The following SRP72 variants were observed in gnomAD, a reference collection of about 807,000 sequenced individuals.
SRP72 encodes signal recognition particle subunit SRP72.
SRP72 carries 49 observed loss-of-function variants against 96.3 expected under a neutral mutation model. The ratio of observed to expected loss-of-function variants is 0.51; its 90% CI spans 0.40 to 0.65. SRP72 has a LOEUF of 0.65. Ranked by LOEUF, SRP72 falls within the 30% of genes least tolerant of loss-of-function variation. SRP72 has a pLI of 0.00. For synonymous variants in SRP72, 267 were observed against 275.2 expected (o/e 0.97, Z 0.30); for missense variants, 736 against 793.3 (o/e 0.93, Z 0.87).
At position 56,471,791 on chromosome 4, in the gene SRP72, T is replaced by C. The variant is rs753233079; in HGVS notation, c.302T>C (p.Ile101Thr). Residue 101 changes from isoleucine (I) to threonine (T), a missense_variant, in exon 3 of 19, where the codon ATA (isoleucine) becomes ACA (threonine). By Grantham distance (89) the Ile-to-Thr change is moderately conservative. Coordinates refer to ENST00000642900, the MANE Select transcript of SRP72 (RefSeq NM_006947.4). ...LNRIENALKT[I>T]ESANQQTDKL... ...AGAATTGAGAATGCCTTGAAGACAA[T>C]AGAAAGTGCCAACCAGCAGACAGAC... is the stretch of plus-strand genomic sequence containing the variant. 1.9e-6 allele frequency: 3 copies of C among 1,613,844 alleles called. No homozygotes were observed. The highest frequency in any genetic ancestry group is 2.2e-5 in the South Asian group (2 of 91,066).
chr4:56,486,422 A>G, intron 11 of SRP72, 25 bp downstream of exon 11: 1 of 1,543,382 alleles, frequency 6.5e-7, no homozygotes. Context: ...ATCATGATTA[A>G]AATATTTTAA....
rs201143094 is a variant in SRP72, at chr4:56,473,765, C to CA, written c.355-279dup. On this transcript the variant is annotated intron_variant, in intron 3 of 18. Transcript: ENST00000642900. ...AGGCAACAAGAGCGAAACTCCGTCT[C>CA]AAAAAAAAAAGAAAAAGAAAAGAAA... Among the ~76,000 whole-genome samples the CA allele has an allele frequency of 0.066, 9,392 of 141,584 alleles. 401 individuals carry two copies. The highest frequency in any genetic ancestry group is 0.14 in the East Asian group (672 of 4,900). 92.9% of individuals were successfully genotyped at this position (141,584 alleles called of 152,430 possible).
rs373938290 is a variant in SRP72 at position 56,489,087 on chromosome 4, G to T, written c.1225-301G>T. 156 of 229,790 alleles carry T rather than the reference G, an allele frequency of 6.8e-4. No individual in the cohort carries two copies. In the South Asian group the frequency reaches 0.01, roughly 15 times the overall value. The allele number at this position is 229,790 out of a possible 1,614,324, so 14.2% of individuals were successfully genotyped here. On this transcript the variant is annotated intron_variant, in intron 12 of 18. Coordinates refer to ENST00000642900, the MANE Select transcript of SRP72 (RefSeq NM_006947.4). The stretch of plus-strand genomic sequence containing the variant: ...CTTAAATGTCCAGCAGTGTCTTATT[G>T]TAGAAACATTTCTAAGGGCTTATTC...
chr4:56,501,124 C>T (rs981970804), intron 18 of SRP72, among the ~76,000 whole-genome samples: 1 of 152,110 alleles, frequency 6.6e-6, no homozygotes, highest in Non-Finnish European at 1.5e-5. Flanking sequence ...AAAATTTTTT[C>T]TGGCCGGGCG....
chr4:56,469,820 T>C (rs369855385), intron 2 of SRP72, 47 bp downstream of exon 2: 3 of 1,525,550 alleles, frequency 2.0e-6, no homozygotes, highest in Non-Finnish European at 2.7e-6. Context: ...AAACACTTAC[T>C]ATAGCTATAA....
intron 10 of SRP72, among the ~76,000 whole-genome samples, chr4:56,485,712 G>A (rs185142862): frequency 1.1e-3 from 172 of 152,176 alleles, no homozygotes; most frequent in African/African-American, 3.6e-3. Flanking sequence ...TGAGGCAGGA[G>A]AATCACTTGA....
intron 10 of SRP72, chr4:56,486,095 T>C: frequency 2.3e-6 from 1 of 428,062 alleles, no homozygotes; most frequent in East Asian, 3.6e-5. Context: ...ATTTCTCTGT[T>C]AGTGACTTAC....
intron 16 of SRP72, among the ~76,000 whole-genome samples, chr4:56,492,286 T>G (rs1560686916): frequency 6.6e-6 from 1 of 152,380 alleles, no homozygotes; most frequent in Middle Eastern, 3.4e-3. Context: ...CTTTTAGTTA[T>G]TGTTGTACAT....
Position 56,477,907 on chromosome 4 carries a change from G to A in SRP72, c.643-472G>A, listed in dbSNP as rs963154162. 2.2e-4 allele frequency among the ~76,000 whole-genome samples: 34 copies of A among 152,246 alleles called. 1 individual carries two copies. The highest frequency in any genetic ancestry group is 2.1e-3 in the Admixed American group (32 of 15,290). Reference sequence around the variant, plus strand: ...CCAGCTTTTGAAGTTTTTTTGTATGGTGTTAATTGGAATTTTCTAGTTTTT... The same window carrying A: ...CCAGCTTTTGAAGTTTTTTTGTATGATGTTAATTGGAATTTTCTAGTTTTT... On this transcript the variant is annotated intron_variant, in intron 6 of 18. Coordinates refer to ENST00000642900, the MANE Select transcript of SRP72 (RefSeq NM_006947.4).
intron 17 of SRP72, 72 bp from the exon 18 acceptor site, chr4:56,500,464 G>A: frequency 6.8e-7 from 1 of 1,464,764 alleles, no homozygotes; most frequent in Non-Finnish European, 9.4e-7. Flanking sequence ...CCCAGGCTTA[G>A]AGACATCGTT....
intron 1 of SRP72, among the ~76,000 whole-genome samples, chr4:56,468,991 G>A (rs903919531): frequency 2.6e-5 from 4 of 152,166 alleles, no homozygotes; most frequent in African/African-American, 9.7e-5. Flanking sequence ...GTTGAAACTT[G>A]CCACCTGAGT....
At chr4:56,491,199 A>G (rs1244301230) in intron 15 of SRP72, among the ~76,000 whole-genome samples, 1 of 152,228 alleles carries the variant, frequency 6.6e-6, no homozygotes, top group African/African-American at 2.4e-5. Context: ...GTGTTAAGGA[A>G]TAGAGAATTA....
At chr4:56,479,764 G>C (rs923884702) in intron 8 of SRP72, among the ~76,000 whole-genome samples, 4 of 152,042 alleles carry the variant, frequency 2.6e-5, no homozygotes, top group African/African-American at 9.7e-5. Flanking sequence ...TTCCAGGGGT[G>C]AGCGACCACA....
In SRP72 at chr4:56,474,183, G is replaced by T; in HGVS notation, c.484G>T (p.Glu162Ter). The T allele has an allele frequency of 6.2e-7, 1 of 1,613,680 alleles. No homozygotes were observed. The highest frequency in any genetic ancestry group is 8.5e-7 in the Non-Finnish European group (1 of 1,179,894). Reference protein sequence around the residue: ...SAVVAAQSNWEKVVPENLGLQ... With the variant: ...SAVVAAQSNW ...AGTTGTTGCAGCTCAAAGCAATTGG[G>T]AAAAAGTGGTTCCAGTGAGTATCCT... The change falls in exon 4 of 19, where the codon GAA becomes TAA. Residue 162 changes from glutamate (E) to a stop codon, truncating the protein, a stop_gained. Coordinates refer to ENST00000642900, the MANE Select transcript of SRP72 (RefSeq NM_006947.4). LOFTEE classifies it high-confidence loss of function.
At position 56,478,712 on chromosome 4, in the gene SRP72, A is replaced by AGTTTT. The variant is rs1336161752; in HGVS notation, c.825+67_825+71dup. 43 of 1,531,108 alleles carry AGTTTT rather than the reference A, an allele frequency of 2.8e-5. No individual in the cohort carries two copies. In the Middle Eastern group the frequency reaches 6.9e-4, roughly 25 times the overall value. The allele number at this position is 1,531,108 out of a possible 1,614,324, so 94.8% of individuals were successfully genotyped here. A position where few individuals can be genotyped will look rare whatever the true frequency, so the allele number is the denominator to read the frequency against. On this transcript the variant is annotated intron_variant, in intron 8 of 18. Coordinates refer to ENST00000642900, the MANE Select transcript of SRP72 (RefSeq NM_006947.4). Reference sequence around the variant, plus strand: ...CCTGAAAGCTCATCACCCTAGTTTTAGTTTTGTTCTAGGATAGCCTAAGTG... The same window carrying AGTTTT: ...CCTGAAAGCTCATCACCCTAGTTTTAGTTTTGTTTTGTTCTAGGATAGCCTAAGTG...
chr4:56,487,434 A>G (rs1026602371), intron 11 of SRP72, among the ~76,000 whole-genome samples: 3 of 151,840 alleles, frequency 2.0e-5, no homozygotes, highest in African/African-American at 7.3e-5. Flanking sequence ...TTATTTTTTC[A>G]AGGATTATTT....
At chr4:56,471,514 G>A (rs1719973044) in intron 2 of SRP72, among the ~76,000 whole-genome samples, 1 of 152,196 alleles carries the variant, frequency 6.6e-6, no homozygotes, top group South Asian at 2.1e-4. Flanking sequence ...CCATGAAAGA[G>A]AGGCTAGGGA....
chr4:56,475,403 A>AAAAAAT (rs1553945339), intron 5 of SRP72, among the ~76,000 whole-genome samples: 2 of 150,974 alleles, frequency 1.3e-5, no homozygotes, highest in East Asian at 3.9e-4. Flanking sequence ...ACAAAAAAAA[A>AAAAAAT]ATATATATGT....
At chr4:56,500,468 C>T in intron 17 of SRP72, 68 bp from the exon 18 acceptor site, 6 of 1,481,752 alleles carry the variant, frequency 4.0e-6, no homozygotes, top group South Asian at 1.2e-5. Context: ...GGCTTAGAGA[C>T]ATCGTTTAAA....
Sources: allele counts gnomAD v4.1 joint callset (sites outside exome capture counted in the v4.1 genomes callset), GRCh38; gene constraint gnomAD v4.1.1; transcripts MANE v1.5; gene names NCBI Gene and HGNC (gene_info 2026-07-23, HGNC 2026-07-21).